Variants in GMDS observed in about 807,000 individuals in gnomAD.
The protein encoded by GMDS is GDP-mannose 4,6-dehydratase.
In GMDS, 20 loss-of-function variants were observed where a neutral mutation model predicts 49.9. The observed-to-expected ratio is 0.40, with a 90% CI of 0.28 to 0.58. The LOEUF (loss-of-function observed/expected upper bound fraction) is 0.58. Ranked by LOEUF, GMDS falls within the 20% of genes least tolerant of loss-of-function variation. The pLI is 0.42. For synonymous variants in GMDS, 177 were observed against 178.6 expected (o/e 0.99, Z 0.07); for missense variants, 362 against 481.4 (o/e 0.75, Z 2.32).
intron 4 of GMDS, among the ~76,000 whole-genome samples, chr6:2,079,364 A>AT (rs1464455761): frequency 6.6e-6 from 1 of 151,322 alleles, no homozygotes; most frequent in Non-Finnish European, 1.5e-5. Flanking sequence ...TTTTTCACTT[A>AT]TTTTTTCTAA....
intron 4 of GMDS, among the ~76,000 whole-genome samples, chr6:1,997,867 G>A (rs1766392398): frequency 6.6e-6 from 1 of 152,158 alleles, no homozygotes; most frequent in African/African-American, 2.4e-5. Context: ...AACACTGGAA[G>A]AAGACCAAAA....
intron 7 of GMDS, among the ~76,000 whole-genome samples, chr6:1,747,423 G>A (rs879772642): frequency 2.0e-5 from 3 of 149,600 alleles, no homozygotes; most frequent in African/African-American, 7.4e-5. Context: ...TGGTGCTTTT[G>A]TGCTTTACGT....
chr6:1,825,107 T>C (rs1771050903), intron 7 of GMDS, among the ~76,000 whole-genome samples: 1 of 152,280 alleles, frequency 6.6e-6, no homozygotes, highest in South Asian at 2.1e-4. Context: ...CACTTGCAGA[T>C]AAATCGCATT....
intron 8 of GMDS, among the ~76,000 whole-genome samples, chr6:1,741,871 C>A (rs1215230585): frequency 1.6e-5 from 2 of 122,812 alleles, no homozygotes; most frequent in East Asian, 2.6e-4. Flanking sequence ...ACATTTAAAA[C>A]TAAAAAAAGT....
chr6:1,647,406 T>A (rs1365298705), intron 9 of GMDS, among the ~76,000 whole-genome samples: 1 of 151,740 alleles, frequency 6.6e-6, no homozygotes, highest in African/African-American at 2.4e-5. Flanking sequence ...CACCCCCAAA[T>A]CCTAAAAAAA....
intron 8 of GMDS, among the ~76,000 whole-genome samples, chr6:1,732,228 G>A (rs1766839905): frequency 6.6e-6 from 1 of 152,214 alleles, no homozygotes; most frequent in African/African-American, 2.4e-5. Context: ...TCGGGAGGCT[G>A]AGGCAGGAGA....
intron 7 of GMDS, among the ~76,000 whole-genome samples, chr6:1,815,797 T>C (rs1770639056): frequency 6.6e-6 from 1 of 152,196 alleles, no homozygotes; most frequent in South Asian, 2.1e-4. Flanking sequence ...GAGCGTGCTG[T>C]CGTTAGCTCA....
At chr6:1,954,713 A>G (rs1025744249) in intron 6 of GMDS, among the ~76,000 whole-genome samples, 1 of 152,228 alleles carries the variant, frequency 6.6e-6, no homozygotes, top group Non-Finnish European at 1.5e-5. Flanking sequence ...AAGCAGTCAC[A>G]TCTTCAGATT....
intron 2 of GMDS, among the ~76,000 whole-genome samples, chr6:2,121,508 C>T (rs1775137451): frequency 6.6e-6 from 1 of 152,056 alleles, no homozygotes; most frequent in Non-Finnish European, 1.5e-5. Flanking sequence ...TTCACTTTTT[C>T]ATTTCAAACG....
At chr6:1,900,058 T>A (rs1008369861) in intron 7 of GMDS, among the ~76,000 whole-genome samples, 1 of 152,216 alleles carries the variant, frequency 6.6e-6, no homozygotes, top group African/African-American at 2.4e-5. Flanking sequence ...ACACTCTGAG[T>A]CAACGTTCAA....
intron 7 of GMDS, among the ~76,000 whole-genome samples, chr6:1,805,150 G>A (rs770486748): frequency 1.1e-4 from 17 of 152,062 alleles, no homozygotes; most frequent in Non-Finnish European, 2.1e-4. Context: ...TTTCTATAAG[G>A]TAAATTATTA....
intron 4 of GMDS, among the ~76,000 whole-genome samples, chr6:2,108,746 C>T (rs958097292): frequency 4.6e-5 from 7 of 152,124 alleles, no homozygotes; most frequent in Non-Finnish European, 4.4e-5. Context: ...CTGCCCACCT[C>T]GGTATTCTCA....
chr6:2,079,019 C>CTTTTTT lies in GMDS; in HGVS notation c.345+36746_345+36751dup, dbSNP rs386405902. 6.2e-4 allele frequency among the ~76,000 whole-genome samples: 21 copies of CTTTTTT among 33,980 alleles called. 2 individuals are homozygous for CTTTTTT. Among genetic ancestry groups the CTTTTTT allele is most frequent in the Non-Finnish European group, 1.1e-3 (15 of 14,198 alleles). 22.3% of individuals were successfully genotyped at this position (33,980 alleles called of 152,430 possible). ...CTTTGTCATTGCATAATGACCTTGT[C>CTTTTTT]TTTTTTTTTTTTTTTTTTTTTTTTT... On this transcript the variant is annotated intron_variant, in intron 4 of 10. Transcript: ENST00000380815.
chr6:1,655,460 TTAC>T (rs994190829), intron 9 of GMDS, among the ~76,000 whole-genome samples: 102 of 151,808 alleles, frequency 6.7e-4, no homozygotes, highest in African/African-American at 2.4e-3. Flanking sequence ...GTTTTTTTCC[TTAC>T]GTTTGAAAGC....
At chr6:2,020,969 T>C (rs77859284) in intron 4 of GMDS, among the ~76,000 whole-genome samples, 2,837 of 152,322 alleles carry the variant, frequency 0.019, 104 homozygotes, top group African/African-American at 0.064. Flanking sequence ...AAAGGTTTTG[T>C]AACATCATCT....
chr6:1,807,504 T>C (rs1004074105), intron 7 of GMDS, among the ~76,000 whole-genome samples: 1 of 152,222 alleles, frequency 6.6e-6, no homozygotes, highest in Non-Finnish European at 1.5e-5. Context: ...GTGAACCCCA[T>C]GAGGGCAGAA....
At chr6:1,717,944 A>C (rs183346467) in intron 9 of GMDS, among the ~76,000 whole-genome samples, 8 of 152,274 alleles carry the variant, frequency 5.3e-5, no homozygotes, top group African/African-American at 1.9e-4. Context: ...ATTGAGATGA[A>C]GTAATCATCT....
At chr6:2,213,361 C>T (rs1780161584) in intron 1 of GMDS, among the ~76,000 whole-genome samples, 1 of 152,156 alleles carries the variant, frequency 6.6e-6, no homozygotes, top group Admixed American at 6.5e-5. Context: ...GGACCTTAGG[C>T]CCATTAAGCT....
chr6:1,829,234 T>C (rs978722813), intron 7 of GMDS, among the ~76,000 whole-genome samples: 3 of 152,186 alleles, frequency 2.0e-5, no homozygotes, highest in Non-Finnish European at 4.4e-5. Flanking sequence ...CCCATGTTGT[T>C]CAAGGGTTAA....
Sources: allele counts gnomAD v4.1 joint callset (sites outside exome capture counted in the v4.1 genomes callset), GRCh38; gene constraint gnomAD v4.1.1; transcripts MANE v1.5; gene names NCBI Gene and HGNC (gene_info 2026-07-23, HGNC 2026-07-21).